FAM168B: variants seen among roughly 807,000 people sequenced by gnomAD.
FAM168B encodes the protein myelin-associated neurite-outgrowth inhibitor.
A neutral mutation model predicts 21.8 loss-of-function variants in FAM168B; 19 were observed. The observed-to-expected ratio is 0.87, with a 90% CI of 0.61 to 1.28. The LOEUF (loss-of-function observed/expected upper bound fraction) is 1.28. Ranked by LOEUF, FAM168B falls within the 50% of genes most tolerant of loss-of-function variation. The pLI, the probability that FAM168B is intolerant of heterozygous loss-of-function variation, is 0.00. For missense variants in FAM168B, 233 were observed against 263.1 expected (o/e 0.89, Z 0.79); for synonymous variants, 126 against 104.8 (o/e 1.20, Z -1.24).
At position 131,048,715 on chromosome 2, in the gene FAM168B, G is replaced by A; in HGVS notation, c.*3750C>T. 1 of 989,052 alleles carries A rather than the reference G, an allele frequency of 1.0e-6. No individual in the cohort carries two copies. 61.3% of individuals were successfully genotyped at this position (989,052 alleles called of 1,614,324 possible). On this transcript the variant is annotated 3_prime_UTR_variant, in exon 7 of 7. Coordinates refer to ENST00000389915, the MANE Select transcript of FAM168B (RefSeq NM_001009993.4). ...AAAGCCAGAGGGAACACTCACAAAT[G>A]CAGAGGTACTAGAGGGGAGAAATAC...
intron 3 of FAM168B, among the ~76,000 whole-genome samples, chr2:131,064,301 G>C (rs546760782): frequency 6.6e-6 from 1 of 151,948 alleles, no homozygotes; most frequent in East Asian, 1.9e-4. Flanking sequence ...AGTAAAAAAA[G>C]ACATTTATTT....
chr2:131,078,973 C>A (rs1361607163), intron 2 of FAM168B, among the ~76,000 whole-genome samples: 2 of 146,072 alleles, frequency 1.4e-5, no homozygotes, highest in Non-Finnish European at 3.0e-5. Context: ...AATGACAGAG[C>A]AAGACCCTTT....
chr2:131,079,712 T>C (rs1424763790), intron 2 of FAM168B, among the ~76,000 whole-genome samples: 3 of 152,118 alleles, frequency 2.0e-5, no homozygotes, highest in African/African-American at 4.8e-5. Context: ...TGGTTACCTG[T>C]TATAGCAGCC....
intron 2 of FAM168B, among the ~76,000 whole-genome samples, chr2:131,078,350 A>T (rs1693267713): frequency 6.6e-6 from 1 of 152,222 alleles, no homozygotes; most frequent in Non-Finnish European, 1.5e-5. Flanking sequence ...AGCAGGACAA[A>T]TGGAAGCAGA....
Position 131,050,282 on chromosome 2 carries a change from G to A in FAM168B, c.*2183C>T. 1.0e-6 allele frequency: 1 copy of A among 985,422 alleles called. No individual in the cohort carries two copies. The highest frequency in any genetic ancestry group is 4.7e-5 in the South Asian group (1 of 21,282). The allele number at this position is 985,422 out of a possible 1,614,324, so 61.0% of individuals were successfully genotyped here. On this transcript the variant is annotated 3_prime_UTR_variant, in exon 7 of 7. Coordinates refer to ENST00000389915, the MANE Select transcript of FAM168B (RefSeq NM_001009993.4). The stretch of plus-strand genomic sequence containing the variant: ...CATGTATGTTTCCATTTTGTTGTGT[G>A]GGGCTTTTTAAAAGCATACACTAAC...
chr2:131,079,672 C>CATTCCT (rs1317439301), intron 2 of FAM168B, among the ~76,000 whole-genome samples: 1 of 152,160 alleles, frequency 6.6e-6, no homozygotes, highest in East Asian at 1.9e-4. Flanking sequence ...TCTGGGACTA[C>CATTCCT]ATCTCTATGG....
At chr2:131,080,332 G>C (rs937785157) in intron 2 of FAM168B, among the ~76,000 whole-genome samples, 3 of 150,862 alleles carry the variant, frequency 2.0e-5, no homozygotes, top group African/African-American at 7.3e-5. Flanking sequence ...TGTGACACAA[G>C]TAATATCTTA....
rs1691623909 is a variant in FAM168B at position 131,050,865 on chromosome 2, G to A, written c.*1600C>T. ...ACTCAAACCACCACTGCACTGGGAAGAAGACGCACGCTCCTGCCCTAGAGG... is the reference window on the plus strand; with the variant it reads ...ACTCAAACCACCACTGCACTGGGAAAAAGACGCACGCTCCTGCCCTAGAGG... On this transcript the variant is annotated 3_prime_UTR_variant, in exon 7 of 7. Coordinates refer to ENST00000389915, the MANE Select transcript of FAM168B (RefSeq NM_001009993.4). 2 of 985,472 alleles carry A rather than the reference G, an allele frequency of 2.0e-6. No homozygotes were observed. The highest frequency in any genetic ancestry group is 1.2e-6 in the Non-Finnish European group (1 of 830,028). 61.0% of individuals were successfully genotyped at this position (985,472 alleles called of 1,614,324 possible).
Position 131,049,837 on chromosome 2 carries a change from G to A in FAM168B, c.*2628C>T. 1 of 985,822 alleles carries A rather than the reference G, an allele frequency of 1.0e-6. No individual in the cohort carries two copies. Among genetic ancestry groups the A allele is most frequent in the Non-Finnish European group, 1.2e-6 (1 of 829,920 alleles). 61.1% of individuals were successfully genotyped at this position (985,822 alleles called of 1,614,324 possible). A position where few individuals can be genotyped will look rare whatever the true frequency, so the allele number is the denominator to read the frequency against. ...GGACAAATTATGAAGCTTTGTAACA[G>A]AATTTTGACCCAAGTTCTATTTCTT... On this transcript the variant is annotated 3_prime_UTR_variant, in exon 7 of 7. Transcript: ENST00000389915.
At chr2:131,078,161 G>A (rs1160812270) in intron 2 of FAM168B, among the ~76,000 whole-genome samples, 1 of 152,160 alleles carries the variant, frequency 6.6e-6, no homozygotes, top group East Asian at 1.9e-4. Context: ...CCATGTGACG[G>A]AAAAACAAAA....
chr2:131,085,473 A>G (rs776515148), intron 1 of FAM168B, among the ~76,000 whole-genome samples: 2 of 152,208 alleles, frequency 1.3e-5, no homozygotes, highest in South Asian at 2.1e-4. Flanking sequence ...ACTTTCTAAA[A>G]AACAAATGCC....
intron 1 of FAM168B, among the ~76,000 whole-genome samples, chr2:131,084,017 C>T (rs573026187): frequency 1.2e-3 from 185 of 152,070 alleles, no homozygotes; most frequent in African/African-American, 4.3e-3. Context: ...ATTCTCCTGC[C>T]TCAGCCTCCC....
Position 131,057,461 on chromosome 2 carries a change from C to A in FAM168B, c.155-1766G>T, listed in dbSNP as rs1405676841. Among the ~76,000 whole-genome samples, 5 of 152,160 alleles carry A rather than the reference C, an allele frequency of 3.3e-5. No homozygotes were observed. In the East Asian group the frequency reaches 9.6e-4, roughly 29 times the overall value. On this transcript the variant is annotated intron_variant, in intron 3 of 6. Transcript: ENST00000389915. ...CCCTAACAACAAAGAAATTTACCTA[C>A]GGTGACGGAAATCAGAGGGGAGAGG...
Position 131,049,335 on chromosome 2 carries a change from C to A in FAM168B, c.*3130G>T. ...CCAAGGCTCAGGACCACCCCCATTG[C>A]CTGTGAACACATTTGCATAGCACTC... is the stretch of plus-strand genomic sequence containing the variant. On this transcript the variant is annotated 3_prime_UTR_variant, in exon 7 of 7. Transcript: ENST00000389915. The A allele has an allele frequency of 2.0e-6, 2 of 985,530 alleles. No individual in the cohort carries two copies. The highest frequency in any genetic ancestry group is 2.4e-6 in the Non-Finnish European group (2 of 830,028). 61.0% of individuals were successfully genotyped at this position (985,530 alleles called of 1,614,324 possible).
At chr2:131,080,119 GA>G (rs1054773949) in intron 2 of FAM168B, among the ~76,000 whole-genome samples, 59 of 138,558 alleles carry the variant, frequency 4.3e-4, no homozygotes, top group Middle Eastern at 3.8e-3. Context: ...CTCTGTCTCA[GA>G]AAAAAAAAAA....
chr2:131,087,870 G>A (rs1185678931), intron 1 of FAM168B, among the ~76,000 whole-genome samples: 2 of 152,174 alleles, frequency 1.3e-5, no homozygotes, highest in South Asian at 2.1e-4. Flanking sequence ...GCCAAAAACT[G>A]CAAATTCAAA....
At chr2:131,088,750 C>T (rs1471530714) in intron 1 of FAM168B, among the ~76,000 whole-genome samples, 4 of 152,226 alleles carry the variant, frequency 2.6e-5, no homozygotes, top group African/African-American at 9.6e-5. Flanking sequence ...TATGTAAATG[C>T]TAATAATCTT....
chr2:131,079,859 G>GT (rs2105558397), intron 2 of FAM168B, among the ~76,000 whole-genome samples: 1 of 152,234 alleles, frequency 6.6e-6, no homozygotes, highest in African/African-American at 2.4e-5. Flanking sequence ...GCTCACGCTT[G>GT]TAATCCCAAC....
At chr2:131,069,524 T>C (rs6430559) in intron 3 of FAM168B, among the ~76,000 whole-genome samples, 33,824 of 151,896 alleles carry the variant, frequency 0.22, 5,240 homozygotes, top group African/African-American at 0.44. Context: ...GACGGAGTCC[T>C]GCTCTGTCGC....
Sources: gnomAD v4.1 joint callset for allele counts (sites outside exome capture counted in the v4.1 genomes callset) on GRCh38, gnomAD v4.1.1 for gene constraint, MANE v1.5 for transcripts, NCBI Gene and HGNC (gene_info 2026-07-23, HGNC 2026-07-21) for gene names.